SLC25A21: variants seen among roughly 807,000 people sequenced by gnomAD.
SLC25A21 encodes mitochondrial 2-oxodicarboxylate carrier.
Under a neutral mutation model 43.8 loss-of-function variants are expected in SLC25A21, and 47 were observed. The observed-to-expected ratio is 1.07, with a 90% CI of 0.85 to 1.37. SLC25A21 has a LOEUF of 1.37. Among genes scored for constraint, SLC25A21 ranks in the 40% most tolerant of loss-of-function variants. The probability of loss-of-function intolerance (pLI) is 0.00; values close to 1 mark genes in which losing one functional copy is unlikely to be tolerated. For missense variants in SLC25A21, 352 were observed against 350.2 expected (o/e 1.00, Z -0.04); for synonymous variants, 131 against 121.3 (o/e 1.08, Z -0.52).
At chr14:36,838,645 G>A (rs1402661288) in intron 2 of SLC25A21, among the ~76,000 whole-genome samples, 1 of 152,196 alleles carries the variant, frequency 6.6e-6, no homozygotes, top group Non-Finnish European at 1.5e-5. Context: ...TTTTGTGGAG[G>A]CAGGGAGTGG....
chr14:36,760,398 C>T (rs538960869), intron 3 of SLC25A21, among the ~76,000 whole-genome samples: 2 of 137,662 alleles, frequency 1.5e-5, no homozygotes, highest in South Asian at 2.3e-4. Flanking sequence ...GAAGGCAGGC[C>T]TCATGAAGAA....
chr14:36,856,411 C>T (rs530484018), intron 2 of SLC25A21, among the ~76,000 whole-genome samples: 1 of 152,264 alleles, frequency 6.6e-6, no homozygotes, highest in East Asian at 1.9e-4. Context: ...CCCAGTAGCT[C>T]AGACATGGCT....
At chr14:36,706,335 T>C (rs192861658) in intron 7 of SLC25A21, among the ~76,000 whole-genome samples, 21 of 152,338 alleles carry the variant, frequency 1.4e-4, no homozygotes, top group East Asian at 7.7e-4. Context: ...TAGGAAAACA[T>C]TGTTTTTCAA....
intron 1 of SLC25A21, among the ~76,000 whole-genome samples, chr14:36,976,274 G>A (rs1959869941): frequency 6.6e-6 from 1 of 152,104 alleles, no homozygotes; most frequent in Non-Finnish European, 1.5e-5. Context: ...GGCTCCTCAT[G>A]CATACACGTT....
At chr14:36,992,177 G>A (rs1203977288) in intron 1 of SLC25A21, among the ~76,000 whole-genome samples, 7 of 152,284 alleles carry the variant, frequency 4.6e-5, no homozygotes, top group African/African-American at 7.2e-5. Context: ...GGGTGGACCC[G>A]TGCACCCTCC....
At chr14:36,873,586 G>A (rs950763258) in intron 2 of SLC25A21, among the ~76,000 whole-genome samples, 15 of 152,114 alleles carry the variant, frequency 9.9e-5, no homozygotes, top group African/African-American at 1.4e-4. Context: ...GTGAGCCACC[G>A]CGCAGGGCCC....
At chr14:36,905,713 C>T (rs1443579363) in intron 1 of SLC25A21, among the ~76,000 whole-genome samples, 2 of 151,986 alleles carry the variant, frequency 1.3e-5, no homozygotes, top group Non-Finnish European at 2.9e-5. Context: ...CAAAGATAGG[C>T]TAGCAACATA....
intron 2 of SLC25A21, among the ~76,000 whole-genome samples, chr14:36,826,313 G>A (rs1288630629): frequency 6.6e-6 from 1 of 152,146 alleles, no homozygotes; most frequent in South Asian, 2.1e-4. Context: ...TTCTCCTCCA[G>A]CTTGGCAAGG....
chr14:36,934,274 C>A (rs991876447), intron 1 of SLC25A21, among the ~76,000 whole-genome samples: 3 of 151,892 alleles, frequency 2.0e-5, no homozygotes, highest in Non-Finnish European at 4.4e-5. Context: ...ATAATCCAGG[C>A]GACCTCATAG....
intron 1 of SLC25A21, among the ~76,000 whole-genome samples, chr14:36,920,542 C>T (rs78798132): frequency 0.023 from 3,444 of 152,084 alleles, 123 homozygotes; most frequent in African/African-American, 0.077. Context: ...CATTGCTAAG[C>T]AGAGACTTCC....
At chr14:36,695,978 C>G (rs1883004997) in intron 7 of SLC25A21, among the ~76,000 whole-genome samples, 1 of 152,136 alleles carries the variant, frequency 6.6e-6, no homozygotes, top group Non-Finnish European at 1.5e-5. Flanking sequence ...GCATCCTTGT[C>G]TTGTGCCGGT....
chr14:37,120,178 GAGA>G (rs1198796647), intron 1 of SLC25A21, among the ~76,000 whole-genome samples: 1 of 152,058 alleles, frequency 6.6e-6, no homozygotes, highest in Non-Finnish European at 1.5e-5. Flanking sequence ...TCAGGCTCAG[GAGA>G]AGATTTTCCC....
chr14:36,914,634 TG>T (rs1891780823), intron 1 of SLC25A21, among the ~76,000 whole-genome samples: 1 of 152,134 alleles, frequency 6.6e-6, no homozygotes, highest in South Asian at 2.1e-4. Flanking sequence ...CAGGGCTAAT[TG>T]GTATTTTTCA....
chr14:36,988,807 G>C (rs1004048832), intron 1 of SLC25A21, among the ~76,000 whole-genome samples: 1 of 152,174 alleles, frequency 6.6e-6, no homozygotes, highest in African/African-American at 2.4e-5. Flanking sequence ...TGAGAGCTTG[G>C]AATGGTCATC....
intron 1 of SLC25A21, among the ~76,000 whole-genome samples, chr14:36,921,183 C>A (rs1471521235): frequency 6.6e-6 from 1 of 152,082 alleles, no homozygotes; most frequent in Non-Finnish European, 1.5e-5. Context: ...GCCCAATGAA[C>A]TTTGCCCTAC....
At chr14:37,136,529 G>A (rs1326635025) in intron 1 of SLC25A21, among the ~76,000 whole-genome samples, 4 of 151,950 alleles carry the variant, frequency 2.6e-5, no homozygotes, top group Non-Finnish European at 5.9e-5. Flanking sequence ...TCAACAATCT[G>A]GAAATCATAC....
intron 1 of SLC25A21, among the ~76,000 whole-genome samples, chr14:37,134,534 A>G (rs892595370): frequency 2.0e-5 from 3 of 151,790 alleles, no homozygotes; most frequent in African/African-American, 7.3e-5. Flanking sequence ...TATCCCAGCT[A>G]CTTGGGAGGC....
At chr14:36,782,970 TAAAA>T (rs1391322625) in intron 3 of SLC25A21, among the ~76,000 whole-genome samples, 1 of 131,850 alleles carries the variant, frequency 7.6e-6, no homozygotes, top group Non-Finnish European at 1.7e-5. Context: ...TATAAATAAA[TAAAA>T]AAATAAAAAA....
At chr14:36,730,112 T>A (rs994994956) in intron 4 of SLC25A21, among the ~76,000 whole-genome samples, 1 of 152,148 alleles carries the variant, frequency 6.6e-6, no homozygotes, top group African/African-American at 2.4e-5. Flanking sequence ...ATCTAGTCCA[T>A]CCCCTGCCAT....
Sources: gnomAD v4.1 joint callset for allele counts (sites outside exome capture counted in the v4.1 genomes callset) on GRCh38, gnomAD v4.1.1 for gene constraint, MANE v1.5 for transcripts, NCBI Gene and HGNC (gene_info 2026-07-23, HGNC 2026-07-21) for gene names.